The following GALNT13 variants were observed in gnomAD, a reference collection of about 807,000 sequenced individuals.
GALNT13 encodes UDP-GalNAc:polypeptide N-acetylgalactosaminyltransferase 13.
In GALNT13, 28 loss-of-function variants were observed where a neutral mutation model predicts 64.2. The ratio of observed to expected loss-of-function variants is 0.44; its 90% confidence interval spans 0.32 to 0.60. GALNT13 has a LOEUF of 0.60. GALNT13 is among the 20% of genes least tolerant of loss of function. GALNT13 has a pLI of 0.05. For missense variants in GALNT13, 577 were observed against 669.8 expected, an observed-to-expected ratio of 0.86 and a Z score of 1.53; for synonymous variants, 214 against 224.6, an observed-to-expected ratio of 0.95 and a Z score of 0.42.
chr2:154,226,914 T>C lies in GALNT13; in HGVS notation c.312-15116T>C, dbSNP rs1242834271. On this transcript the variant is annotated intron_variant, in intron 4 of 12. Coordinates refer to ENST00000392825, the MANE Select transcript of GALNT13 (RefSeq NM_052917.4). The stretch of plus-strand genomic sequence containing the variant: ...GGCATTAGTATATAGTGCTATATAG[T>C]TAACAAAGATAGAAATAAATGGAAA... Among the ~76,000 whole-genome samples the C allele has an allele frequency of 3.3e-5, 5 of 152,136 alleles. No homozygotes were observed. In the East Asian group the frequency reaches 9.6e-4, roughly 29 times the overall value.
the GALNT13 span, among the ~76,000 whole-genome samples, chr2:153,390,256 A>G: frequency 6.6e-6 from 1 of 152,120 alleles, no homozygotes; most frequent in African/African-American, 2.4e-5. Context: ...GTGGGAGTTG[A>G]ACAATGAGAA....
At chr2:154,029,469 G>A (rs916336307) in intron 3 of GALNT13, among the ~76,000 whole-genome samples, 5 of 152,092 alleles carry the variant, frequency 3.3e-5, no homozygotes, top group Non-Finnish European at 7.4e-5. Context: ...GAGAATACTA[G>A]AGGAATTTGA....
chr2:153,337,076 C>T, the GALNT13 span, among the ~76,000 whole-genome samples: 1 of 152,246 alleles, frequency 6.6e-6, no homozygotes, highest in Admixed American at 6.5e-5. Flanking sequence ...TGCAATTAAA[C>T]CTCTTTTTCT....
intron 9 of GALNT13, among the ~76,000 whole-genome samples, chr2:154,359,117 C>T (rs1173274400): frequency 6.6e-6 from 1 of 151,892 alleles, no homozygotes; most frequent in African/African-American, 2.4e-5. Context: ...TATGTGTATT[C>T]CTGTGTTTTG....
At chr2:154,363,584 G>A (rs1317508190) in intron 9 of GALNT13, among the ~76,000 whole-genome samples, 1 of 152,116 alleles carries the variant, frequency 6.6e-6, no homozygotes, top group Non-Finnish European at 1.5e-5. Flanking sequence ...ATGAAAAAAA[G>A]CAAAGAACAG....
the GALNT13 span, among the ~76,000 whole-genome samples, chr2:153,118,463 T>A: frequency 5.3e-5 from 8 of 152,298 alleles, no homozygotes; most frequent in South Asian, 1.7e-3. Flanking sequence ...TGTTCTGTGC[T>A]CTTTTGGATC....
the GALNT13 span, among the ~76,000 whole-genome samples, chr2:153,667,156 A>G: frequency 3.9e-5 from 6 of 152,158 alleles, no homozygotes; most frequent in Non-Finnish European, 8.8e-5. Context: ...CAAACCTACA[A>G]CTCATTGGCA....
chr2:153,946,032 A>G (rs904048809), intron 3 of GALNT13, among the ~76,000 whole-genome samples: 10 of 152,210 alleles, frequency 6.6e-5, no homozygotes, highest in African/African-American at 2.4e-4. Context: ...TGTTTTTGAC[A>G]AATGAACATG....
At chr2:153,278,213 G>A in the GALNT13 span, among the ~76,000 whole-genome samples, 3 of 151,874 alleles carry the variant, frequency 2.0e-5, no homozygotes, top group African/African-American at 4.8e-5. Flanking sequence ...GATTACAGGC[G>A]TGAGCCACCG....
the GALNT13 span, among the ~76,000 whole-genome samples, chr2:153,504,437 A>G: frequency 3.3e-5 from 5 of 152,162 alleles, no homozygotes; most frequent in Non-Finnish European, 7.4e-5. Flanking sequence ...AGAAGCGGTG[A>G]AAGTGGGCAT....
chr2:154,405,051 C>A (rs368112786), intron 10 of GALNT13, among the ~76,000 whole-genome samples: 1 of 152,152 alleles, frequency 6.6e-6, no homozygotes, highest in South Asian at 2.1e-4. Flanking sequence ...AGAATGGTAT[C>A]TCTGCAAACA....
At chr2:153,104,414 C>T in the GALNT13 span, among the ~76,000 whole-genome samples, 1 of 152,150 alleles carries the variant, frequency 6.6e-6, no homozygotes, top group Non-Finnish European at 1.5e-5. Context: ...GGATTTCTGA[C>T]TTTACTAAGA....
intron 3 of GALNT13, among the ~76,000 whole-genome samples, chr2:153,990,456 G>A (rs185361540): frequency 1.3e-5 from 2 of 152,206 alleles, no homozygotes; most frequent in East Asian, 1.9e-4. Flanking sequence ...AAATAAGTGA[G>A]TAACTAATAT....
chr2:153,438,180 T>C, the GALNT13 span, among the ~76,000 whole-genome samples: 53 of 152,204 alleles, frequency 3.5e-4, no homozygotes, highest in Non-Finnish European at 7.2e-4. Context: ...TGGTAGAGTT[T>C]CTGCTGAGAG....
the GALNT13 span, among the ~76,000 whole-genome samples, chr2:153,406,422 G>C: frequency 1.3e-5 from 2 of 150,946 alleles, no homozygotes; most frequent in Non-Finnish European, 3.0e-5. Context: ...TTTCTTTTGT[G>C]GGGGGCACTG....
chr2:153,829,530 T>A, the GALNT13 span, among the ~76,000 whole-genome samples: 12 of 152,054 alleles, frequency 7.9e-5, no homozygotes, highest in Admixed American at 2.0e-4. Flanking sequence ...CCTGCCCCCA[T>A]GATTCAATTA....
the GALNT13 span, among the ~76,000 whole-genome samples, chr2:153,766,254 G>T: frequency 6.6e-6 from 1 of 151,646 alleles, no homozygotes; most frequent in African/African-American, 2.4e-5. Flanking sequence ...TTTTCTATGT[G>T]ATATGTTCCT....
the GALNT13 span, among the ~76,000 whole-genome samples, chr2:153,780,860 G>A: frequency 2.6e-5 from 4 of 152,148 alleles, no homozygotes; most frequent in Non-Finnish European, 5.9e-5. Context: ...TACAGTGATG[G>A]CTAAGAGAGA....
At chr2:154,232,558 A>C (rs1688972238) in intron 4 of GALNT13, among the ~76,000 whole-genome samples, 1 of 152,158 alleles carries the variant, frequency 6.6e-6, no homozygotes, top group Non-Finnish European at 1.5e-5. Context: ...TGGCTTAGTT[A>C]AGATGGTGAT....
Sources: allele counts gnomAD v4.1 joint callset (sites outside exome capture counted in the v4.1 genomes callset), GRCh38; gene constraint gnomAD v4.1.1; transcripts MANE v1.5; gene names NCBI Gene and HGNC (gene_info 2026-07-23, HGNC 2026-07-21).